The following TRAF6 variants were observed in gnomAD, a reference collection of about 807,000 sequenced individuals.
The protein encoded by TRAF6 is TNF receptor-associated factor 6.
Under a neutral mutation model 48.4 loss-of-function variants are expected in TRAF6, and 10 were observed. That is an observed-to-expected ratio of 0.21 (90% confidence interval 0.13 to 0.35). TRAF6 has a LOEUF of 0.35. Ranked by LOEUF, TRAF6 falls within the 10% of genes least tolerant of loss-of-function variation. TRAF6 has a pLI of 1.00. For synonymous variants in TRAF6, 186 were observed against 219.6 expected (o/e 0.85, Z 1.35); for missense variants, 397 against 661.0 (o/e 0.60, Z 4.38).
intron 1 of TRAF6, among the ~76,000 whole-genome samples, chr11:36,502,392 T>C (rs1026543037): frequency 4.6e-5 from 7 of 152,210 alleles, no homozygotes; most frequent in East Asian, 1.9e-4. Context: ...TTCTAAACCA[T>C]TATGGTATTT....
chr11:36,504,374 G>A (rs867764497), intron 1 of TRAF6, among the ~76,000 whole-genome samples: 48 of 152,288 alleles, frequency 3.2e-4, no homozygotes, highest in Middle Eastern at 3.4e-3. Context: ...AATGTTCACA[G>A]CATCCTCACC....
intron 1 of TRAF6, among the ~76,000 whole-genome samples, chr11:36,503,295 G>GT (rs781252455): frequency 0.052 from 7,313 of 139,314 alleles, 440 homozygotes; most frequent in African/African-American, 0.14. Flanking sequence ...GTTTACTTAA[G>GT]TTTTTTTTTT....
At chr11:36,491,798 A>C (rs955051961) in intron 6 of TRAF6, among the ~76,000 whole-genome samples, 1 of 152,214 alleles carries the variant, frequency 6.6e-6, no homozygotes, top group African/African-American at 2.4e-5. Flanking sequence ...TTCCCAAATC[A>C]ATACTCTGAG....
At chr11:36,496,991 A>G (rs1437433478) in intron 4 of TRAF6, 117 bp downstream of exon 4, 2 of 1,080,092 alleles carry the variant, frequency 1.9e-6, no homozygotes, top group Non-Finnish European at 2.6e-6. Context: ...CCCAAAATTG[A>G]TAATGTAGAC....
intron 1 of TRAF6, 25 bp from the exon 2 acceptor site, chr11:36,501,562 G>T: frequency 6.6e-7 from 1 of 1,515,052 alleles, no homozygotes; most frequent in Non-Finnish European, 8.9e-7. Flanking sequence ...AGAAAAAAAT[G>T]CCTTTATAAG....
chr11:36,499,075 G>C (rs1236311703), intron 2 of TRAF6, among the ~76,000 whole-genome samples: 2 of 152,132 alleles, frequency 1.3e-5, no homozygotes, highest in East Asian at 1.9e-4. Flanking sequence ...TCAGTCATAA[G>C]TAAAAATTTA....
chr11:36,487,311 A>C lies in TRAF6; in HGVS notation c.*2527T>G, dbSNP rs1331145618. 4 of 152,252 alleles carry C rather than the reference A, an allele frequency of 2.6e-5. No individual in the cohort carries two copies. In the East Asian group the frequency reaches 7.7e-4, roughly 29 times the overall value. 9.4% of individuals were successfully genotyped at this position (152,252 alleles called of 1,614,324 possible). On this transcript the variant is annotated 3_prime_UTR_variant, in exon 7 of 7. Coordinates refer to ENST00000526995, the MANE Select transcript of TRAF6 (RefSeq NM_004620.4). ...AGGAGATTGGGAAAATGTAAGGAAG[A>C]AACCAACTTTCCAGGTTAAGGCTTA...
chr11:36,505,734 T>C (rs181451328), intron 1 of TRAF6, among the ~76,000 whole-genome samples: 2 of 152,352 alleles, frequency 1.3e-5, no homozygotes, highest in African/African-American at 4.8e-5. Context: ...TAGCTTTTGA[T>C]TTAAAGTGAC....
In TRAF6 at chr11:36,501,530, C is replaced by T. The variant is rs775521169; in HGVS notation, c.-15G>A. 1.5e-5 allele frequency: 23 copies of T among 1,579,382 alleles called. No individual in the cohort carries two copies. Among genetic ancestry groups the T allele is most frequent in the Admixed American group, 1.2e-4 (7 of 56,172 alleles). Reference sequence around the variant, plus strand: ...AGCAGACTCATAGTAACTTGATTATCACTTGCTCTGTAGAAATAGCAAGAA... The same window carrying T: ...AGCAGACTCATAGTAACTTGATTATTACTTGCTCTGTAGAAATAGCAAGAA... On this transcript the variant is annotated 5_prime_UTR_variant, in exon 2 of 7. Transcript: ENST00000526995.
rs1859450267 is a variant in TRAF6 at position 36,484,247 on chromosome 11, A to G, written c.*5591T>C. ...GATAATTCCTTTAATCCCTTCCTTC[A>G]ATACAACCTGCTCTTAAAACTGAAC... On this transcript the variant is annotated 3_prime_UTR_variant, in exon 7 of 7. Transcript: ENST00000526995. Among the ~76,000 whole-genome samples the G allele has an allele frequency of 6.6e-6, 1 of 152,180 alleles. No individual in the cohort carries two copies. Among genetic ancestry groups the G allele is most frequent in the Admixed American group, 6.5e-5 (1 of 15,276 alleles).
intron 1 of TRAF6, among the ~76,000 whole-genome samples, chr11:36,505,362 T>G (rs1348189807): frequency 1.3e-5 from 2 of 152,244 alleles, no homozygotes; most frequent in Non-Finnish European, 2.9e-5. Context: ...TCTTTCATCT[T>G]GCACTTTTAT....
At chr11:36,508,553 G>A (rs1288531839) in intron 1 of TRAF6, among the ~76,000 whole-genome samples, 2 of 152,080 alleles carry the variant, frequency 1.3e-5, no homozygotes, top group African/African-American at 2.4e-5. Flanking sequence ...AAGTCAACAA[G>A]TTATGTCTTA....
At chr11:36,494,467 GCTACAGGT>G (rs1186906172) in intron 5 of TRAF6, among the ~76,000 whole-genome samples, 2 of 152,122 alleles carry the variant, frequency 1.3e-5, no homozygotes, top group Non-Finnish European at 2.9e-5. Flanking sequence ...GAACAGAAGG[GCTACAGGT>G]CCTAAAAATC....
chr11:36,494,143 T>C (rs1168878216), intron 5 of TRAF6, among the ~76,000 whole-genome samples: 1 of 152,084 alleles, frequency 6.6e-6, no homozygotes, highest in African/African-American at 2.4e-5. Flanking sequence ...AGCAGGTAGA[T>C]TGCTTGAGCT....
At position 36,486,025 on chromosome 11, in the gene TRAF6, A is replaced by T. The variant is rs1859478674; in HGVS notation, c.*3813T>A. On this transcript the variant is annotated 3_prime_UTR_variant, in exon 7 of 7. Transcript: ENST00000526995. ...TAGGTTGTAAGCAACTAGGCATCAC[A>T]AACAGAATCTGATGTTTTTGTTTTG... 1.3e-5 allele frequency among the ~76,000 whole-genome samples: 2 copies of T among 152,092 alleles called. No individual in the cohort carries two copies. Among genetic ancestry groups the T allele is most frequent in the African/African-American group, 4.8e-5 (2 of 41,376 alleles).
Position 36,489,458 on chromosome 11 carries a change from G to GT in TRAF6, c.*379_*380insA. 5.1e-6 allele frequency: 1 copy of GT among 195,992 alleles called. No individual in the cohort carries two copies. The allele number at this position is 195,992 out of a possible 1,614,324, so 12.1% of individuals were successfully genotyped here. A position where few individuals can be genotyped will look rare whatever the true frequency, so the allele number is the denominator to read the frequency against. On this transcript the variant is annotated 3_prime_UTR_variant, in exon 7 of 7. Coordinates refer to ENST00000526995, the MANE Select transcript of TRAF6 (RefSeq NM_004620.4). ...TATATTACATATAATACTACAAAAA[G>GT]ACTGAAGTTTTAAGGAAAATCCATT... is the stretch of plus-strand genomic sequence containing the variant.
At chr11:36,504,113 T>C (rs1051810658) in intron 1 of TRAF6, among the ~76,000 whole-genome samples, 21 of 152,322 alleles carry the variant, frequency 1.4e-4, no homozygotes, top group African/African-American at 5.1e-4. Context: ...GGGTCCTGCG[T>C]CAATGTTGAT....
chr11:36,502,886 T>A (rs1344984634), intron 1 of TRAF6, among the ~76,000 whole-genome samples: 3 of 152,224 alleles, frequency 2.0e-5, no homozygotes, highest in African/African-American at 7.2e-5. Context: ...GAAGATTAAA[T>A]GTGTTAATAT....
chr11:36,505,262 T>C (rs1004509743), intron 1 of TRAF6, among the ~76,000 whole-genome samples: 7 of 152,234 alleles, frequency 4.6e-5, no homozygotes, highest in African/African-American at 1.4e-4. Context: ...AAGTATACAC[T>C]GAAAATTTGT....
Sources: gnomAD v4.1 joint callset for allele counts (sites outside exome capture counted in the v4.1 genomes callset) on GRCh38, gnomAD v4.1.1 for gene constraint, MANE v1.5 for transcripts, NCBI Gene and HGNC (gene_info 2026-07-23, HGNC 2026-07-21) for gene names.